The following NAA60 variants were observed in gnomAD, a reference collection of about 807,000 sequenced individuals.
NAA60 encodes N-alpha-acetyltransferase 60, NatF catalytic subunit.
Under a neutral mutation model 26.1 loss-of-function variants are expected in NAA60, and 8 were observed. The ratio of observed to expected loss-of-function variants is 0.31; its 90% CI spans 0.18 to 0.55. The LOEUF is 0.55. Ranked by LOEUF, NAA60 falls within the 20% of genes least tolerant of loss-of-function variation. The pLI, the probability that NAA60 is intolerant of heterozygous loss-of-function variation, is 0.93. For synonymous variants in NAA60, 131 were observed against 122.5 expected (o/e 1.07, Z -0.46); for missense variants, 290 against 311.3 (o/e 0.93, Z 0.51).
chr16:3,485,060 A>G lies in NAA60; in HGVS notation c.*205A>G. On this transcript the variant is annotated splice_region_variant and 3_prime_UTR_variant, in exon 7 of 8. Transcript: ENST00000407558. ...TGCGCAGAGCATGCCCATCCGTGGC[A>G]GGTACGCCACAGCAGACACAAAGGT... 2 of 1,460,836 alleles carry G rather than the reference A, an allele frequency of 1.4e-6. No homozygotes were observed. The highest frequency in any genetic ancestry group is 1.7e-4 in the Middle Eastern group (1 of 5,808). The allele number at this position is 1,460,836 out of a possible 1,614,324, so 90.5% of individuals were successfully genotyped here.
At position 3,484,923 on chromosome 16, in the gene NAA60, C is replaced by G. The variant is rs754023600; in HGVS notation, c.*68C>G. On this transcript the variant is annotated 3_prime_UTR_variant, in exon 7 of 8. Transcript: ENST00000407558. ...CCGCAGAGCCCGCCTTCCTGTCCAT[C>G]TGACCCCTTCTGTTTTCTGCAAGGA... 5.2e-5 allele frequency: 81 copies of G among 1,544,416 alleles called. No individual in the cohort carries two copies. Among genetic ancestry groups the G allele is most frequent in the South Asian group, 2.9e-4 (24 of 84,046 alleles).
chr16:3,482,438 G>C (rs969677238), intron 4 of NAA60, 64 bp from the exon 5 acceptor site: 1 of 1,343,380 alleles, frequency 7.4e-7, no homozygotes, highest in Non-Finnish European at 1.0e-6. Flanking sequence ...CGCCTGGGCC[G>C]GGCTGTGCAG....
At chr16:3,479,097 G>A (rs376037050) in intron 3 of NAA60, among the ~76,000 whole-genome samples, 35 of 152,074 alleles carry the variant, frequency 2.3e-4, no homozygotes, top group East Asian at 1.2e-3. Flanking sequence ...AAAATTAGCC[G>A]GGCGTGGTGG....
chr16:3,479,680 C>G, intron 4 of NAA60, 80 bp downstream of exon 4: 1 of 1,525,804 alleles, frequency 6.6e-7, no homozygotes, highest in Non-Finnish European at 8.9e-7. Context: ...AATCATGCTG[C>G]CTGCTCCACA....
chr16:3,481,936 G>T (rs967952944), intron 4 of NAA60, among the ~76,000 whole-genome samples: 4 of 152,068 alleles, frequency 2.6e-5, no homozygotes, highest in African/African-American at 9.7e-5. Flanking sequence ...ACTCCCACCC[G>T]GAATTCCATC....
intron 2 of NAA60, among the ~76,000 whole-genome samples, chr16:3,471,630 C>G (rs112578762): frequency 6.6e-6 from 1 of 152,206 alleles, no homozygotes; most frequent in African/African-American, 2.4e-5. Context: ...TCAGGTGGTT[C>G]TCCCTGTGGC....
chr16:3,465,606 C>T (rs79707349), intron 2 of NAA60, among the ~76,000 whole-genome samples: 9,259 of 152,160 alleles, frequency 0.061, 360 homozygotes, highest in Middle Eastern at 0.085. Context: ...GGGGACCCTG[C>T]GTGTCTTGGG....
chr16:3,476,078 G>A, intron 2 of NAA60, 144 bp from the exon 3 acceptor site: 2 of 612,936 alleles, frequency 3.3e-6, no homozygotes, highest in Non-Finnish European at 5.6e-6. Flanking sequence ...GGGCGATCGT[G>A]AGAGGCAGAG....
At chr16:3,480,993 G>A (rs1255708400) in intron 4 of NAA60, among the ~76,000 whole-genome samples, 2 of 152,122 alleles carry the variant, frequency 1.3e-5, no homozygotes, top group Non-Finnish European at 2.9e-5. Context: ...TTTGCCTGTG[G>A]TCATACTCTG....
At chr16:3,464,265 G>C (rs141002424) in intron 2 of NAA60, among the ~76,000 whole-genome samples, 2 of 152,184 alleles carry the variant, frequency 1.3e-5, no homozygotes, top group East Asian at 1.9e-4. Flanking sequence ...TGCCTGCCTC[G>C]GCCTCCCAAA....
intron 2 of NAA60, chr16:3,458,220 C>T: frequency 1.2e-6 from 1 of 841,662 alleles, no homozygotes; most frequent in Non-Finnish European, 1.4e-6. Context: ...CTCGGACCTG[C>T]GGCGGGGCGC....
chr16:3,468,957 A>G (rs1218859009), intron 2 of NAA60, among the ~76,000 whole-genome samples: 1 of 152,110 alleles, frequency 6.6e-6, no homozygotes, highest in Non-Finnish European at 1.5e-5. Flanking sequence ...GTGGTGGCAC[A>G]TGCCTGTAAT....
intron 2 of NAA60, among the ~76,000 whole-genome samples, chr16:3,451,288 T>C (rs1338349761): frequency 6.6e-5 from 10 of 152,242 alleles, no homozygotes; most frequent in Non-Finnish European, 1.0e-4. Context: ...ATGTAAATAA[T>C]ATCTCTGAAT....
At chr16:3,468,451 G>C (rs2035905250) in intron 2 of NAA60, among the ~76,000 whole-genome samples, 1 of 152,284 alleles carries the variant, frequency 6.6e-6, no homozygotes, top group African/African-American at 2.4e-5. Context: ...GCTCAGCTTG[G>C]CTCTGCCAGT....
intron 2 of NAA60, among the ~76,000 whole-genome samples, chr16:3,474,256 G>C (rs2036333579): frequency 6.6e-6 from 1 of 152,192 alleles, no homozygotes; most frequent in African/African-American, 2.4e-5. Flanking sequence ...CCCTGTCCCA[G>C]GTCAAGGGGA....
chr16:3,454,525 C>G (rs1182446002), intron 2 of NAA60, among the ~76,000 whole-genome samples: 5 of 151,732 alleles, frequency 3.3e-5, no homozygotes, highest in Non-Finnish European at 5.9e-5. Flanking sequence ...AACCAAAAAG[C>G]TTAAAAAAAA....
rs144172352 is a variant in NAA60 at position 3,458,463 on chromosome 16, G to A, written c.-7+9923G>A. On this transcript the variant is annotated intron_variant, in intron 2 of 7. Transcript: ENST00000407558. ...GTCGGGCCTTCTGCCTGGGGGTTGC[G>A]TCAGTGTCCGACCCCGCGATGAGTG... Among the ~76,000 whole-genome samples, 851 of 152,240 alleles carry A rather than the reference G, an allele frequency of 5.6e-3. 7 individuals are homozygous for A. Among genetic ancestry groups the A allele is most frequent in the African/African-American group, 0.019 (810 of 41,564 alleles).
At position 3,443,763 on chromosome 16, in the gene NAA60, C is replaced by G; in HGVS notation, c.-151C>G. ...GAGTCTTAGGGTGACCCCAGGGGGA[C>G]GTAATGTTTCCGAGAAGAAGGACAG... On this transcript the variant is annotated 5_prime_UTR_variant, in exon 1 of 8. Transcript: ENST00000407558. 1 of 1,533,042 alleles carries G rather than the reference C, an allele frequency of 6.5e-7. No individual in the cohort carries two copies. The highest frequency in any genetic ancestry group is 8.7e-7 in the Non-Finnish European group (1 of 1,145,462). 95.0% of individuals were successfully genotyped at this position (1,533,042 alleles called of 1,614,324 possible).
At chr16:3,453,361 T>C (rs1363592742) in intron 2 of NAA60, among the ~76,000 whole-genome samples, 1 of 151,456 alleles carries the variant, frequency 6.6e-6, no homozygotes, top group Non-Finnish European at 1.5e-5. Flanking sequence ...TCCACTGCAC[T>C]CCAGCCTGGG....
Sources: allele counts gnomAD v4.1 joint callset (sites outside exome capture counted in the v4.1 genomes callset), GRCh38; gene constraint gnomAD v4.1.1; transcripts MANE v1.5; gene names NCBI Gene and HGNC (gene_info 2026-07-23, HGNC 2026-07-21).